The following KIF26B variants were observed in gnomAD, a reference collection of about 807,000 sequenced individuals.
KIF26B encodes the protein kinesin-like protein KIF26B.
In KIF26B, 63 loss-of-function variants were observed where a neutral mutation model predicts 151.2. The observed-to-expected ratio is 0.42, with a 90% CI of 0.34 to 0.51. The LOEUF (loss-of-function observed/expected upper bound fraction) is 0.51. Among genes scored for constraint, KIF26B ranks in the 20% least tolerant of loss-of-function variants. The pLI is 0.07. For synonymous variants in KIF26B, 1,357 were observed against 1,262.1 expected, an observed-to-expected ratio of 1.08 and a Z score of -1.59; for missense variants, 2,813 against 2,913.6, an observed-to-expected ratio of 0.97 and a Z score of 0.79.
At chr1:245,664,739 CACTT>C (rs1213846235) in intron 10 of KIF26B, among the ~76,000 whole-genome samples, 2 of 152,134 alleles carry the variant, frequency 1.3e-5, no homozygotes, top group Non-Finnish European at 2.9e-5. Flanking sequence ...GCAGAATAAT[CACTT>C]AATATACTTT....
At position 245,688,342 on chromosome 1, in the gene KIF26B, C is replaced by T. The variant is rs1454710629; in HGVS notation, c.5359C>T (p.Leu1787Phe). The change falls in exon 12 of 15, where the codon CTC (leucine) becomes TTC (phenylalanine). Residue 1787 changes from leucine to phenylalanine, a missense_variant. Physicochemically the swap from Leu to Phe is conservative, Grantham distance 22. This residue lies in a region of KIF26B where 2,060 missense variants were observed against 2,088.6 expected (regional missense o/e 0.99). Coordinates refer to ENST00000407071, the MANE Select transcript of KIF26B (RefSeq NM_018012.4). ...GCACACGCCCTGGTCCACGCAGTCCCTCAGCAGGAACAGGAGCTCGGGCCT... is the reference window on the plus strand; with the variant it reads ...GCACACGCCCTGGTCCACGCAGTCCTTCAGCAGGAACAGGAGCTCGGGCCT... ...GKHTPWSTQS[L>F]SRNRSSGLAS... 2 of 1,585,844 alleles carry T rather than the reference C, an allele frequency of 1.3e-6. No homozygotes were observed. The highest frequency in any genetic ancestry group is 1.7e-6 in the Non-Finnish European group (2 of 1,174,260).
chr1:245,356,455 G>C (rs1572020387), intron 2 of KIF26B, among the ~76,000 whole-genome samples: 1 of 152,118 alleles, frequency 6.6e-6, no homozygotes, highest in Non-Finnish European at 1.5e-5. Context: ...TACTGGGGAG[G>C]CTGAGGCAGG....
chr1:245,670,299 GTA>G (rs2044270749), intron 10 of KIF26B, among the ~76,000 whole-genome samples: 1 of 139,534 alleles, frequency 7.2e-6, no homozygotes, highest in African/African-American at 2.6e-5. Context: ...CACACACAAT[GTA>G]TATGTCTAGT....
At chr1:245,472,526 G>A (rs1330239339) in intron 4 of KIF26B, among the ~76,000 whole-genome samples, 4 of 152,324 alleles carry the variant, frequency 2.6e-5, no homozygotes, top group East Asian at 3.9e-4. Context: ...GCTGCAGTGA[G>A]CATTCTCTTT....
intron 3 of KIF26B, among the ~76,000 whole-genome samples, chr1:245,409,799 G>GT: frequency 6.6e-6 from 1 of 152,262 alleles, no homozygotes; most frequent in South Asian, 2.1e-4. Flanking sequence ...GGTGATTTGT[G>GT]TCCACATGAA....
At chr1:245,460,506 C>A (rs1047802352) in intron 4 of KIF26B, among the ~76,000 whole-genome samples, 14 of 152,178 alleles carry the variant, frequency 9.2e-5, no homozygotes, top group African/African-American at 3.4e-4. Context: ...TGGACAGAGA[C>A]CATATAGTTT....
intron 2 of KIF26B, among the ~76,000 whole-genome samples, chr1:245,224,855 G>A (rs906967377): frequency 6.6e-6 from 1 of 152,164 alleles, no homozygotes; most frequent in African/African-American, 2.4e-5. Context: ...AACGGTTTCA[G>A]GGCCCATATT....
At chr1:245,508,807 A>G (rs938564999) in intron 4 of KIF26B, among the ~76,000 whole-genome samples, 1 of 152,172 alleles carries the variant, frequency 6.6e-6, no homozygotes, top group African/African-American at 2.4e-5. Context: ...CCACATCTGC[A>G]ATGCTGCACC....
chr1:245,390,921 C>CAAAAAAAAAAAAAAAAAAAAAAAA (rs796799193), intron 3 of KIF26B, among the ~76,000 whole-genome samples: 1 of 13,448 alleles, frequency 7.4e-5, no homozygotes, highest in Non-Finnish European at 1.1e-4. Context: ...GACCCTGTCT[C>CAAAAAAAAAAAAAAAAAAAAAAAA]AAAAAAAAAA....
At chr1:245,344,618 G>C (rs1341456336) in intron 2 of KIF26B, among the ~76,000 whole-genome samples, 1 of 151,244 alleles carries the variant, frequency 6.6e-6, no homozygotes, top group Non-Finnish European at 1.5e-5. Flanking sequence ...GTCCTTCTCT[G>C]CTTCAGTAAT....
At chr1:245,332,595 TACTC>T (rs987079087) in intron 2 of KIF26B, among the ~76,000 whole-genome samples, 2 of 152,136 alleles carry the variant, frequency 1.3e-5, no homozygotes, top group African/African-American at 4.8e-5. Flanking sequence ...CCCCACCACT[TACTC>T]CCACCCCCAC....
chr1:245,190,199 G>A (rs1424061234), intron 2 of KIF26B, among the ~76,000 whole-genome samples: 1 of 152,180 alleles, frequency 6.6e-6, no homozygotes, highest in Non-Finnish European at 1.5e-5. Context: ...TGGGAATTAA[G>A]GGAGCTACAA....
In KIF26B at chr1:245,512,387, G is replaced by A. The variant is rs141791384; in HGVS notation, c.1167-28380G>A. Among the ~76,000 whole-genome samples the A allele has an allele frequency of 3.0e-3, 464 of 152,308 alleles. 1 individual carries two copies. The highest frequency in any genetic ancestry group is 0.01 in the African/African-American group (433 of 41,566). On this transcript the variant is annotated intron_variant, in intron 4 of 14. Transcript: ENST00000407071. This position sits in a 1 kb window ranked among gnomAD's most constrained non-coding sequence, Gnocchi z 4.3. ...CCCTGCCCAGCCTTGGACAGAGGGA[G>A]TACTGTGAAGCAACATGCAGGGCTG...
intron 2 of KIF26B, among the ~76,000 whole-genome samples, chr1:245,200,170 T>G (rs1482672735): frequency 6.6e-6 from 1 of 152,232 alleles, no homozygotes; most frequent in Non-Finnish European, 1.5e-5. Context: ...GGGGCGGTGA[T>G]ATTCCCAAAT....
intron 9 of KIF26B, among the ~76,000 whole-genome samples, chr1:245,624,999 A>T (rs896449154): frequency 1.3e-5 from 2 of 152,118 alleles, no homozygotes; most frequent in African/African-American, 4.8e-5. Context: ...AGTATCCAAA[A>T]TTTCCAGTAT....
chr1:245,562,519 G>A (rs769127517), intron 5 of KIF26B, among the ~76,000 whole-genome samples: 1 of 151,960 alleles, frequency 6.6e-6, no homozygotes, highest in Non-Finnish European at 1.5e-5. Flanking sequence ...CCCACTGTCT[G>A]TCACAACCAG....
intron 4 of KIF26B, among the ~76,000 whole-genome samples, chr1:245,520,304 T>C (rs1055491838): frequency 7.2e-5 from 11 of 152,218 alleles, no homozygotes; most frequent in South Asian, 4.1e-4. Context: ...CTGCTTTGAC[T>C]GGCAACTTCA....
At chr1:245,175,449 CAG>C (rs1668787465) in intron 2 of KIF26B, among the ~76,000 whole-genome samples, 1 of 152,100 alleles carries the variant, frequency 6.6e-6, no homozygotes, top group African/African-American at 2.4e-5. Context: ...GACGAGAACA[CAG>C]AGAATCAGAA....
intron 3 of KIF26B, among the ~76,000 whole-genome samples, chr1:245,406,570 A>T (rs1011624750): frequency 6.6e-6 from 1 of 152,218 alleles, no homozygotes; most frequent in Non-Finnish European, 1.5e-5. Context: ...TGGCAGATTA[A>T]ACATGGATAG....
Sources: gnomAD v4.1 joint callset for allele counts (sites outside exome capture counted in the v4.1 genomes callset) on GRCh38, gnomAD v4.1.1 for gene constraint, gnomAD v4.1.1 regional missense constraint, Gnocchi (gnomAD v3.1) non-coding constraint, MANE v1.5 for transcripts, NCBI Gene and HGNC (gene_info 2026-07-23, HGNC 2026-07-21) for gene names.